Variants in ARMC8 observed in about 807,000 individuals in gnomAD.
ARMC8 encodes armadillo repeat-containing protein 8.
A neutral mutation model predicts 99.3 loss-of-function variants in ARMC8; 20 were observed. That is an observed-to-expected ratio of 0.20 (90% CI 0.14 to 0.29). ARMC8 has a LOEUF of 0.29. Ranked by LOEUF, ARMC8 falls within the 10% of genes least tolerant of loss-of-function variation. The probability of loss-of-function intolerance (pLI) is 1.00; values close to 1 mark genes in which losing one functional copy is unlikely to be tolerated. For missense variants in ARMC8, 569 were observed against 809.5 expected (o/e 0.70, Z 3.60); for synonymous variants, 263 against 278.3 (o/e 0.95, Z 0.55).
intron 1 of ARMC8, among the ~76,000 whole-genome samples, chr3:138,195,874 AC>A (rs2043704181): frequency 6.6e-6 from 1 of 151,916 alleles, no homozygotes; most frequent in African/African-American, 2.4e-5. Context: ...AAAAAAAAAA[AC>A]TGTTTTGACC....
rs962334538 is a variant in ARMC8 at position 138,237,540 on chromosome 3, G to A, written c.744G>A (p.Lys248=). Residue 248 remains lysine (K), a synonymous_variant, in exon 9 of 22, where the codon AAG becomes AAA. Transcript: ENST00000469044. Reference sequence around the variant, plus strand: ...TTGTGAAGATGTTACAGAGGGATAAGCCTATTGAGATGCAGCTCACATCAG... The same window carrying A: ...TTGTGAAGATGTTACAGAGGGATAAACCTATTGAGATGCAGCTCACATCAG... ...QIFVKMLQRD[K]PIEMQLTSAK... is the part of the protein sequence containing the mutation. 1.2e-6 allele frequency: 2 copies of A among 1,613,586 alleles called. No homozygotes were observed. The highest frequency in any genetic ancestry group is 2.7e-5 in the African/African-American group (2 of 75,040).
chr3:138,254,520 G>T (rs1367470046), intron 12 of ARMC8, among the ~76,000 whole-genome samples: 1 of 152,214 alleles, frequency 6.6e-6, no homozygotes, highest in Non-Finnish European at 1.5e-5. Flanking sequence ...ACAGATGGAA[G>T]TCTCAGTTGT....
At chr3:138,256,973 C>T (rs1234444582) in intron 12 of ARMC8, among the ~76,000 whole-genome samples, 2 of 152,198 alleles carry the variant, frequency 1.3e-5, no homozygotes, top group Non-Finnish European at 2.9e-5. Flanking sequence ...GGGAAGGATG[C>T]TCTGCTGCAG....
At chr3:138,290,477 T>C in intron 20 of ARMC8, 69 bp from the exon 21 acceptor site, 1 of 1,153,406 alleles carries the variant, frequency 8.7e-7, no homozygotes, top group South Asian at 1.4e-5. Flanking sequence ...GGCTCTAGAT[T>C]GTTAATTGTA....
intron 12 of ARMC8, among the ~76,000 whole-genome samples, chr3:138,260,481 A>AT (rs2047651625): frequency 6.6e-6 from 1 of 152,166 alleles, no homozygotes; most frequent in Admixed American, 6.6e-5. Flanking sequence ...ATTTCTGATC[A>AT]TCACCCTATT....
Position 138,215,947 on chromosome 3 carries a change from G to A in ARMC8, c.123-5979G>A, listed in dbSNP as rs541791358. ...GCAATCTCGGCTCACTGCAACCTCC[G>A]CCTCCCAGGTTCAAGCAATTCTCCT... On this transcript the variant is annotated intron_variant, in intron 2 of 21. Transcript: ENST00000469044. Among the ~76,000 whole-genome samples the A allele has an allele frequency of 1.7e-4, 25 of 150,930 alleles. No homozygotes were observed. In the South Asian group the frequency reaches 4.4e-3, roughly 27 times the overall value.
intron 17 of ARMC8, among the ~76,000 whole-genome samples, chr3:138,274,001 A>G (rs2049025965): frequency 6.6e-6 from 1 of 152,024 alleles, no homozygotes; most frequent in African/African-American, 2.4e-5. Context: ...TATTTGTAGT[A>G]GAGACGGGGT....
In ARMC8 at chr3:138,263,893, C is replaced by T; in HGVS notation, c.1217+72C>T. On this transcript the variant is annotated intron_variant, in intron 13 of 21. Transcript: ENST00000469044. ...AACCTGTTTCCTTTCTGGTCCTTCACTGAGTAAACACAGACTACAAATGTT... is the reference window on the plus strand; with the variant it reads ...AACCTGTTTCCTTTCTGGTCCTTCATTGAGTAAACACAGACTACAAATGTT... The T allele has an allele frequency of 2.3e-6, 3 of 1,313,546 alleles. No homozygotes were observed. In the East Asian group the frequency reaches 6.9e-5, roughly 30 times the overall value. The allele number at this position is 1,313,546 out of a possible 1,614,324, so 81.4% of individuals were successfully genotyped here.
At chr3:138,266,762 A>G (rs917304861) in intron 14 of ARMC8, among the ~76,000 whole-genome samples, 1 of 152,180 alleles carries the variant, frequency 6.6e-6, no homozygotes, top group African/African-American at 2.4e-5. Context: ...TTCTAAGGAC[A>G]CATCAGAAAG....
At position 138,187,483 on chromosome 3, in the gene ARMC8, G is replaced by C; in HGVS notation, c.-72G>C. ...CCTTTAGGGAGCGGTGCCTAGCGTT[G>C]GCCAATAGTTGGCTGTCGAAAGTGC... On this transcript the variant is annotated 5_prime_UTR_variant, in exon 1 of 22. Coordinates refer to ENST00000469044, the MANE Select transcript of ARMC8 (RefSeq NM_001363941.2). 6.8e-7 allele frequency: 1 copy of C among 1,480,564 alleles called. No individual in the cohort carries two copies. The highest frequency in any genetic ancestry group is 1.4e-5 in the African/African-American group (1 of 72,062). The allele number at this position is 1,480,564 out of a possible 1,614,324, so 91.7% of individuals were successfully genotyped here. A position where few individuals can be genotyped will look rare whatever the true frequency, so the allele number is the denominator to read the frequency against.
At chr3:138,289,789 A>T (rs1252174209) in intron 20 of ARMC8, among the ~76,000 whole-genome samples, 1 of 152,134 alleles carries the variant, frequency 6.6e-6, no homozygotes, top group Admixed American at 6.5e-5. Context: ...CATTAGAATC[A>T]CCTGGGGAAG....
intron 7 of ARMC8, among the ~76,000 whole-genome samples, 155 bp downstream of exon 7, chr3:138,235,269 C>CT (rs756351576): frequency 2.0e-5 from 3 of 148,376 alleles, no homozygotes; most frequent in Non-Finnish European, 3.0e-5. Flanking sequence ...ATAGAATGCT[C>CT]TTTAAAAAAA....
chr3:138,289,105 T>C lies in ARMC8; in HGVS notation c.1879T>C (p.Trp627Arg). ...AAMFCISNLI[W>R]NEEEGSQERQ... The stretch of plus-strand genomic sequence containing the variant: ...CATGTTTTGTATATCAAACCTCATA[T>C]GGAATGAAGAGGAAGGTAAGAGATT... The change falls in exon 20 of 22, where the codon TGG becomes CGG. Residue 627 changes from tryptophan (W) to arginine (R), a missense_variant. Around this residue, in one of 2 missense-constraint regions of ARMC8, gnomAD observed 227 missense variants for 417.9 expected, o/e 0.54. Transcript: ENST00000469044. 2.5e-6 allele frequency: 4 copies of C among 1,613,086 alleles called. No homozygotes were observed. The highest frequency in any genetic ancestry group is 3.4e-6 in the Non-Finnish European group (4 of 1,179,342).
At chr3:138,237,280 A>AT (rs746975688) in intron 7 of ARMC8, 29 bp from the exon 8 acceptor site, 12 of 1,601,602 alleles carry the variant, frequency 7.5e-6, no homozygotes, top group South Asian at 6.7e-5. Context: ...AATTAAACAC[A>AT]TTTTTTGTTT....
intron 11 of ARMC8, among the ~76,000 whole-genome samples, chr3:138,243,022 T>G (rs1255603562): frequency 1.3e-5 from 2 of 152,176 alleles, no homozygotes; most frequent in African/African-American, 4.8e-5. Flanking sequence ...CTTGTCTGTT[T>G]TCCTTCTGGT....
chr3:138,232,387 G>A (rs75661009), intron 6 of ARMC8, among the ~76,000 whole-genome samples: 122 of 152,296 alleles, frequency 8.0e-4, no homozygotes, highest in African/African-American at 2.9e-3. Flanking sequence ...ACGGAAAAAA[G>A]TAAGGTATCT....
At chr3:138,227,167 C>CATATTTA (rs1327511061) in intron 5 of ARMC8, among the ~76,000 whole-genome samples, 1 of 152,114 alleles carries the variant, frequency 6.6e-6, no homozygotes, top group Non-Finnish European at 1.5e-5. Flanking sequence ...GGGCAAATTT[C>CATATTTA]ATATTTAATA....
At chr3:138,278,407 G>A (rs1026037067) in intron 18 of ARMC8, among the ~76,000 whole-genome samples, 2 of 152,002 alleles carry the variant, frequency 1.3e-5, no homozygotes, top group African/African-American at 2.4e-5. Flanking sequence ...GGGAGGCTGA[G>A]GCAGGAGAAT....
chr3:138,275,699 A>G (rs2049223894), intron 18 of ARMC8, among the ~76,000 whole-genome samples: 1 of 152,224 alleles, frequency 6.6e-6, no homozygotes, highest in Non-Finnish European at 1.5e-5. Flanking sequence ...TTCTTGAGTT[A>G]AAGTAATTCA....
Sources: allele counts gnomAD v4.1 joint callset (sites outside exome capture counted in the v4.1 genomes callset), GRCh38; gene constraint gnomAD v4.1.1; regional missense constraint gnomAD v4.1.1; transcripts MANE v1.5; gene names NCBI Gene and HGNC (gene_info 2026-07-23, HGNC 2026-07-21).